The following SPTBN2 variants were observed in gnomAD, a reference collection of about 807,000 sequenced individuals.
SPTBN2 encodes spectrin beta chain, non-erythrocytic 2.
A neutral mutation model predicts 284.2 loss-of-function variants in SPTBN2; 107 were observed. That is an observed-to-expected ratio of 0.38 (90% confidence interval 0.32 to 0.44). SPTBN2 has a LOEUF of 0.44. SPTBN2 is among the 20% of genes least tolerant of loss of function. The pLI, the probability that SPTBN2 is intolerant of heterozygous loss-of-function variation, is 1.00. For missense variants in SPTBN2, 2,569 were observed against 3,287.1 expected, an observed-to-expected ratio of 0.78 and a Z score of 5.34; for synonymous variants, 1,289 against 1,354.8, an observed-to-expected ratio of 0.95 and a Z score of 1.07.
At chr11:66,717,814 C>A (rs1287249231) in intron 3 of SPTBN2, among the ~76,000 whole-genome samples, 2 of 152,166 alleles carry the variant, frequency 1.3e-5, no homozygotes, top group Non-Finnish European at 2.9e-5. Context: ...CCACAGCATC[C>A]CTAGATCCTT....
At position 66,715,509 on chromosome 11, in the gene SPTBN2, A is replaced by G; in HGVS notation, c.310-114T>C. On this transcript the variant is annotated intron_variant, in intron 4 of 37. Transcript: ENST00000533211. This position sits in a 1 kb window ranked among gnomAD's most constrained non-coding sequence, Gnocchi z 5.3. ...CCCATGACCTACCTCAGGAACACAG[A>G]CAGGCACAGCCCCAGGGCTGGAGCC... 4 of 1,383,742 alleles carry G rather than the reference A, an allele frequency of 2.9e-6. No individual in the cohort carries two copies. Among genetic ancestry groups the G allele is most frequent in the Non-Finnish European group, 3.9e-6 (4 of 1,020,332 alleles). 85.7% of individuals were successfully genotyped at this position (1,383,742 alleles called of 1,614,324 possible). A position where few individuals can be genotyped will look rare whatever the true frequency, so the allele number is the denominator to read the frequency against.
At chr11:66,714,270 T>TG (rs1565149519) in intron 6 of SPTBN2, 46 bp downstream of exon 6, 1 of 1,608,856 alleles carries the variant, frequency 6.2e-7, no homozygotes, top group Non-Finnish European at 8.5e-7. Flanking sequence ...CAGCACAGCC[T>TG]GGGGGTCACT....
At position 66,710,352 on chromosome 11, in the gene SPTBN2, G is replaced by A. The variant is rs951721948; in HGVS notation, c.1073+230C>T. Among the ~76,000 whole-genome samples the A allele has an allele frequency of 1.3e-5, 2 of 152,220 alleles. No individual in the cohort carries two copies. The highest frequency in any genetic ancestry group is 4.8e-5 in the African/African-American group (2 of 41,458). On this transcript the variant is annotated intron_variant, in intron 10 of 37. Transcript: ENST00000533211. This position sits in a 1 kb window ranked among gnomAD's most constrained non-coding sequence, Gnocchi z 4.9. Reference sequence around the variant, plus strand: ...GCCCGCCTTGGCCTCCCAAAGTGCTGGGATTACAGGCGTGAGCCACCATGC... The same window carrying A: ...GCCCGCCTTGGCCTCCCAAAGTGCTAGGATTACAGGCGTGAGCCACCATGC...
Position 66,693,575 on chromosome 11 carries a change from G to T in SPTBN2, c.4594-129C>A. ...CTGCTCCCTCTCCTAGCCTGGGGGT[G>T]CGATGGTAACACCCGTCAGCCGCCC... On this transcript the variant is annotated intron_variant, in intron 23 of 37. Coordinates refer to ENST00000533211, the MANE Select transcript of SPTBN2 (RefSeq NM_006946.4). The surrounding 1 kb of genome is among the most constrained non-coding windows in gnomAD (Gnocchi z 5.7). 6.8e-7 allele frequency: 1 copy of T among 1,467,124 alleles called. No homozygotes were observed. Among genetic ancestry groups the T allele is most frequent in the Non-Finnish European group, 9.2e-7 (1 of 1,087,112 alleles). The allele number at this position is 1,467,124 out of a possible 1,614,324, so 90.9% of individuals were successfully genotyped here.
At chr11:66,711,186 C>T (rs139663283) in intron 8 of SPTBN2, among the ~76,000 whole-genome samples, 157 bp from the exon 9 acceptor site, 228 of 152,274 alleles carry the variant, frequency 1.5e-3, no homozygotes, top group African/African-American at 5.2e-3. Context: ...ATGAAAAGGG[C>T]ACCAAAAAGC....
At position 66,688,259 on chromosome 11, in the gene SPTBN2, C is replaced by T. The variant is rs774653711; in HGVS notation, c.6284G>A (p.Arg2095Gln). 13 of 1,612,776 alleles carry T rather than the reference C, an allele frequency of 8.1e-6. No homozygotes were observed. The highest frequency in any genetic ancestry group is 3.3e-5 in the South Asian group (3 of 90,950). ...GGGTTCGGGAGCAGGCGGCTGTTTC[C>T]GCCGCTCCTCCTCCTCCCTCTTTCT... ...RKRKREEEER[R>Q]KQPPAPEPTA... The change falls in exon 32 of 38, where the codon CGG becomes CAG. Residue 2095 changes from arginine (R) to glutamine (Q), a missense_variant. By Grantham distance (43) the Arg-to-Gln change is conservative. Around this residue, in one of 6 missense-constraint regions of SPTBN2, gnomAD observed 1,130 missense variants for 1,317.3 expected, o/e 0.86. Transcript: ENST00000533211.
At chr11:66,694,484 G>T in intron 21 of SPTBN2, 121 bp from the exon 22 acceptor site, 1 of 988,706 alleles carries the variant, frequency 1.0e-6, no homozygotes, top group Non-Finnish European at 1.5e-6. Flanking sequence ...CTCACCCAGG[G>T]AGAGCATCCC....
chr11:66,693,246 G>A lies in SPTBN2; in HGVS notation c.4794C>T (p.Ala1598=), dbSNP rs561203367. 30 of 1,614,150 alleles carry A rather than the reference G, an allele frequency of 1.9e-5. No homozygotes were observed. The highest frequency in any genetic ancestry group is 6.7e-5 in the East Asian group (3 of 44,882). ...GCTCGCCCATCCAGGCCTCCGCCTC[G>A]GCGGCATCGCGGTAGAACTGCTGGG... ...LRAQQFYRDA[A]EAEAWMGEQE... is the part of the protein sequence containing the mutation. The change falls in exon 24 of 38, where the codon GCC becomes GCT. Residue 1598 remains alanine, a synonymous_variant. Transcript: ENST00000533211. The surrounding 1 kb of genome is among the most constrained non-coding windows in gnomAD (Gnocchi z 5.7).
At chr11:66,720,492 T>C (rs1942346061) in intron 3 of SPTBN2, among the ~76,000 whole-genome samples, 1 of 152,112 alleles carries the variant, frequency 6.6e-6, no homozygotes, top group South Asian at 2.1e-4. Flanking sequence ...GCCCAGGCCC[T>C]GGGCTGCAGG....
chr11:66,702,513 G>A (rs930960870), intron 15 of SPTBN2, among the ~76,000 whole-genome samples: 3 of 152,134 alleles, frequency 2.0e-5, no homozygotes, highest in Non-Finnish European at 2.9e-5. Flanking sequence ...TTTCTGTGAA[G>A]GGCTTGATGG....
At chr11:66,721,024 A>G in intron 3 of SPTBN2, 60 bp downstream of exon 3, 6 of 1,611,236 alleles carry the variant, frequency 3.7e-6, no homozygotes, top group Non-Finnish European at 5.1e-6. Flanking sequence ...AGGGCTCTTC[A>G]TGACGAGCTG....
At chr11:66,690,482 C>G (rs1341169216) in intron 27 of SPTBN2, 199 bp from the exon 28 acceptor site, 10 of 659,370 alleles carry the variant, frequency 1.5e-5, no homozygotes, top group Non-Finnish European at 2.0e-5. Context: ...ATCTAGACAC[C>G]TGGGCTTAAC....
At chr11:66,692,841 G>T (rs376265380) in intron 25 of SPTBN2, 101 bp from the exon 26 acceptor site, 3 of 1,594,542 alleles carry the variant, frequency 1.9e-6, no homozygotes, top group Middle Eastern at 1.7e-4. Flanking sequence ...CCAACAGCTC[G>T]CCCACCCTGT....
chr11:66,691,243 C>T lies in SPTBN2; in HGVS notation c.5565+41G>A. 1.3e-6 allele frequency: 2 copies of T among 1,503,394 alleles called. No homozygotes were observed. The highest frequency in any genetic ancestry group is 1.8e-6 in the Non-Finnish European group (2 of 1,125,300). The allele number at this position is 1,503,394 out of a possible 1,614,324, so 93.1% of individuals were successfully genotyped here. A position where few individuals can be genotyped will look rare whatever the true frequency, so the allele number is the denominator to read the frequency against. ...CTCTCCCCGGCATTTCCCCCATGGC[C>T]TCCTCTAAGCCTCCCCCACCTCCTC... On this transcript the variant is annotated intron_variant, in intron 27 of 37. Coordinates refer to ENST00000533211, the MANE Select transcript of SPTBN2 (RefSeq NM_006946.4). This position sits in a 1 kb window ranked among gnomAD's most constrained non-coding sequence, Gnocchi z 8.0.
At chr11:66,699,734 G>T in intron 17 of SPTBN2, 126 bp from the exon 18 acceptor site, 1 of 980,798 alleles carries the variant, frequency 1.0e-6, no homozygotes, top group Non-Finnish European at 1.6e-6. Flanking sequence ...AGCCCAGAGA[G>T]CTCTGAAGAC....
Position 66,705,144 on chromosome 11 carries a change from C to T in SPTBN2, c.2132G>A (p.Gly711Asp). ...AGAGGCCTGGCTTGCCCCAGGGTGA[C>T]CCTCGGCCACCAACTGCTGGCCCTG... ...LEQGQQLVAE[G>D]HPGASQASAR... The change falls in exon 15 of 38, where the codon GGT becomes GAT. Residue 711 changes from glycine (G) to aspartate (D), a missense_variant. Physicochemically the swap from Gly to Asp is moderately conservative, Grantham distance 94 (BLOSUM62 -1). Coordinates refer to ENST00000533211, the MANE Select transcript of SPTBN2 (RefSeq NM_006946.4). 4.6e-6 allele frequency: 7 copies of T among 1,537,550 alleles called. No homozygotes were observed. Among genetic ancestry groups the T allele is most frequent in the Non-Finnish European group, 6.1e-6 (7 of 1,144,062 alleles).
chr11:66,694,735 C>T (rs1354834775), intron 21 of SPTBN2, among the ~76,000 whole-genome samples: 1 of 152,212 alleles, frequency 6.6e-6, no homozygotes, highest in Non-Finnish European at 1.5e-5. Context: ...AATTCATTGT[C>T]TCTCCATCCC....
chr11:66,701,817 CCTT>C, intron 15 of SPTBN2, 96 bp from the exon 16 acceptor site: 1 of 1,543,154 alleles, frequency 6.5e-7, no homozygotes, highest in Non-Finnish European at 8.9e-7. Context: ...GAGGGTGTCT[CCTT>C]CACCAGGAGG....
intron 8 of SPTBN2, 120 bp from the exon 9 acceptor site, chr11:66,711,149 G>C (rs1941840371): frequency 1.3e-6 from 1 of 794,644 alleles, no homozygotes; most frequent in African/African-American, 1.7e-5. Context: ...TCTCCTTTTA[G>C]AGCAAAATGA....
Sources: gnomAD v4.1 joint callset for allele counts (sites outside exome capture counted in the v4.1 genomes callset) on GRCh38, gnomAD v4.1.1 for gene constraint, gnomAD v4.1.1 regional missense constraint, Gnocchi (gnomAD v3.1) non-coding constraint, MANE v1.5 for transcripts, NCBI Gene and HGNC (gene_info 2026-07-23, HGNC 2026-07-21) for gene names.